The following MAD1L1 variants were observed in gnomAD, a reference collection of about 807,000 sequenced individuals.
MAD1L1 encodes the protein mitotic spindle assembly checkpoint protein MAD1.
Under a neutral mutation model 96.9 loss-of-function variants are expected in MAD1L1, and 95 were observed. That is an observed-to-expected ratio of 0.98 (90% CI 0.83 to 1.16). The LOEUF (loss-of-function observed/expected upper bound fraction) is 1.16. MAD1L1 is among the 50% of genes most tolerant of loss of function. The pLI is 0.00. For missense variants in MAD1L1, 1,007 were observed against 954.4 expected (o/e 1.06, Z -0.73); for synonymous variants, 473 against 396.6 (o/e 1.19, Z -2.29).
Position 2,204,164 on chromosome 7 carries a change from G to A in MAD1L1, c.986+9048C>T, listed in dbSNP as rs547496651. ...GACCCAGGAGGTGCACGCAGCCGTGGCCGTAGGCCTTCCATAAACTCAGGG... is the reference window on the plus strand; with the variant it reads ...GACCCAGGAGGTGCACGCAGCCGTGACCGTAGGCCTTCCATAAACTCAGGG... On this transcript the variant is annotated intron_variant, in intron 10 of 18. Coordinates refer to ENST00000265854, the MANE Select transcript of MAD1L1 (RefSeq NM_001013836.2). Among the ~76,000 whole-genome samples, 5 of 152,326 alleles carry A rather than the reference G, an allele frequency of 3.3e-5. No individual in the cohort carries two copies. The South Asian group carries it at 6.2e-4, about 19-fold the overall frequency.
At chr7:1,850,927 C>T (rs1349416471) in intron 18 of MAD1L1, among the ~76,000 whole-genome samples, 1 of 152,170 alleles carries the variant, frequency 6.6e-6, no homozygotes, top group African/African-American at 2.4e-5. Context: ...AAGCAGCTTC[C>T]GGGCATCAGA....
intron 11 of MAD1L1, among the ~76,000 whole-genome samples, chr7:2,110,040 G>A (rs775241471): frequency 6.6e-6 from 1 of 152,254 alleles, no homozygotes; most frequent in Non-Finnish European, 1.5e-5. Context: ...TGAGGCCCAC[G>A]CCTTTCCAGT....
chr7:2,072,592 T>C (rs1345351075), intron 11 of MAD1L1, among the ~76,000 whole-genome samples: 2 of 152,208 alleles, frequency 1.3e-5, no homozygotes, highest in African/African-American at 4.8e-5. Context: ...AATCACTGAA[T>C]TCAGGTGGGA....
intron 14 of MAD1L1, among the ~76,000 whole-genome samples, chr7:1,999,357 C>A: frequency 6.6e-6 from 1 of 152,198 alleles, no homozygotes; most frequent in East Asian, 1.9e-4. Context: ...CTGGAGCCCC[C>A]AACAGCCTGA....
chr7:1,988,134 G>A (rs968421270), intron 14 of MAD1L1, among the ~76,000 whole-genome samples: 6 of 152,236 alleles, frequency 3.9e-5, no homozygotes, highest in Non-Finnish European at 7.3e-5. Context: ...AGCAGCGTGC[G>A]GAAGCACGGG....
intron 18 of MAD1L1, among the ~76,000 whole-genome samples, chr7:1,892,245 G>T (rs1786591224): frequency 6.6e-6 from 1 of 152,184 alleles, no homozygotes; most frequent in African/African-American, 2.4e-5. Context: ...GCGGCCCAAG[G>T]GTGCGGGAGG....
chr7:1,895,965 G>A (rs759872303), intron 18 of MAD1L1, among the ~76,000 whole-genome samples: 3 of 152,250 alleles, frequency 2.0e-5, no homozygotes, highest in Non-Finnish European at 4.4e-5. Flanking sequence ...AAGAGTCTAG[G>A]AAGGCGGGCA....
chr7:2,186,602 G>A lies in MAD1L1; in HGVS notation c.986+26610C>T, dbSNP rs73039291. On this transcript the variant is annotated intron_variant, in intron 10 of 18. Coordinates refer to ENST00000265854, the MANE Select transcript of MAD1L1 (RefSeq NM_001013836.2). ...GTACTGTTTGAGCTTTCTTTGTAGT[G>A]AGGATGGATTTACATTATCCTGTAC... is the stretch of plus-strand genomic sequence containing the variant. Among the ~76,000 whole-genome samples, 638 of 152,312 alleles carry A rather than the reference G, an allele frequency of 4.2e-3. 6 individuals carry two copies. The highest frequency in any genetic ancestry group is 6.8e-3 in the Middle Eastern group (2 of 294).
intron 17 of MAD1L1, among the ~76,000 whole-genome samples, chr7:1,920,180 C>T (rs962811455): frequency 1.3e-5 from 2 of 152,242 alleles, no homozygotes; most frequent in Admixed American, 6.5e-5. Context: ...AACCCTGCAG[C>T]TCTCGGGACT....
chr7:2,090,982 A>G (rs1280533744), intron 11 of MAD1L1, among the ~76,000 whole-genome samples: 2 of 152,150 alleles, frequency 1.3e-5, no homozygotes, highest in African/African-American at 4.8e-5. Context: ...CCATTGAGTC[A>G]CGCCATCATT....
At chr7:2,116,572 G>GGC (rs759173427) in intron 11 of MAD1L1, among the ~76,000 whole-genome samples, 1 of 151,080 alleles carries the variant, frequency 6.6e-6, no homozygotes, top group Non-Finnish European at 1.5e-5. Flanking sequence ...AGGGTTGGGG[G>GGC]GGGGGGGGGC....
intron 18 of MAD1L1, among the ~76,000 whole-genome samples, chr7:1,879,916 G>A (rs1336974302): frequency 2.0e-5 from 3 of 152,146 alleles, no homozygotes; most frequent in Non-Finnish European, 4.4e-5. Flanking sequence ...ATTTTTAGCA[G>A]AGACGGGATT....
intron 14 of MAD1L1, among the ~76,000 whole-genome samples, chr7:1,983,152 GCGCACACACACACACA>G (rs772717554): frequency 0.11 from 3,323 of 29,902 alleles, 131 homozygotes; most frequent in African/African-American, 0.23. Flanking sequence ...GCGCGCGCGC[GCGCACACACACACACA>G]CACACACACA....
intron 18 of MAD1L1, among the ~76,000 whole-genome samples, chr7:1,857,639 G>A (rs1455574073): frequency 2.0e-5 from 3 of 152,258 alleles, no homozygotes; most frequent in African/African-American, 7.2e-5. Context: ...AAAGGACAAG[G>A]AAGGGCTGGG....
intron 12 of MAD1L1, 88 bp from the exon 13 acceptor site, chr7:2,014,730 G>A: frequency 7.1e-7 from 1 of 1,409,912 alleles, no homozygotes; most frequent in Admixed American, 2.4e-5. Context: ...CACGAGAGCT[G>A]GGTCACGCGG....
intron 3 of MAD1L1, among the ~76,000 whole-genome samples, chr7:2,226,125 T>C (rs141730637): frequency 9.2e-4 from 140 of 152,306 alleles, no homozygotes; most frequent in African/African-American, 3.1e-3. Context: ...ACGTCTGGAC[T>C]CAGACTTAAA....
chr7:2,073,019 C>A (rs1371253249), intron 11 of MAD1L1, among the ~76,000 whole-genome samples: 1 of 152,182 alleles, frequency 6.6e-6, no homozygotes, highest in East Asian at 1.9e-4. Context: ...TGCAATAGAG[C>A]CAGGGGCCAA....
At chr7:2,156,154 G>A (rs1409404028) in intron 10 of MAD1L1, among the ~76,000 whole-genome samples, 1 of 144,236 alleles carries the variant, frequency 6.9e-6, no homozygotes, top group East Asian at 2.0e-4. Flanking sequence ...CGGGTGTGGC[G>A]AGGGGAGCGG....
chr7:2,203,438 C>T (rs1195589508), intron 10 of MAD1L1, among the ~76,000 whole-genome samples: 1 of 152,254 alleles, frequency 6.6e-6, no homozygotes, highest in Non-Finnish European at 1.5e-5. Context: ...AGCACTCATG[C>T]TTTTCGGGAG....
Sources: allele counts gnomAD v4.1 joint callset (sites outside exome capture counted in the v4.1 genomes callset), GRCh38; gene constraint gnomAD v4.1.1; transcripts MANE v1.5; gene names NCBI Gene and HGNC (gene_info 2026-07-23, HGNC 2026-07-21).